ZNF385B: variants seen among roughly 807,000 people sequenced by gnomAD.
ZNF385B encodes the protein zinc finger protein 385B, also known as zinc finger protein 533.
Under a neutral mutation model 39.2 loss-of-function variants are expected in ZNF385B, and 23 were observed. The observed-to-expected ratio is 0.59, with a 90% CI of 0.42 to 0.83. The LOEUF is 0.83. ZNF385B is among the 40% of genes least tolerant of loss of function. The pLI is 0.00. For missense variants in ZNF385B, 552 were observed against 598.9 expected, an observed-to-expected ratio of 0.92 and a Z score of 0.82; for synonymous variants, 205 against 222.6, an observed-to-expected ratio of 0.92 and a Z score of 0.70.
chr2:179,491,087 G>T (rs2055175747), intron 5 of ZNF385B, among the ~76,000 whole-genome samples: 1 of 151,982 alleles, frequency 6.6e-6, no homozygotes, highest in Admixed American at 6.5e-5. Context: ...TTTTTAAAAA[G>T]ATTTTTCTCT....
chr2:179,537,321 T>TAA (rs1222990610), intron 4 of ZNF385B, among the ~76,000 whole-genome samples: 1 of 123,936 alleles, frequency 8.1e-6, no homozygotes, highest in African/African-American at 3.1e-5. Context: ...AAAAAATAAA[T>TAA]AAAAAAAAAA....
chr2:179,841,751 G>A (rs1001702419), intron 1 of ZNF385B, among the ~76,000 whole-genome samples: 1 of 152,168 alleles, frequency 6.6e-6, no homozygotes, highest in African/African-American at 2.4e-5. Context: ...TAAAATCCTA[G>A]AGAGAATTTC....
At chr2:179,589,086 C>A (rs973506775) in intron 3 of ZNF385B, among the ~76,000 whole-genome samples, 10 of 152,116 alleles carry the variant, frequency 6.6e-5, no homozygotes, top group Non-Finnish European at 1.5e-4. Flanking sequence ...TACCCCATAT[C>A]TTTTCAGTGA....
chr2:179,504,925 C>G (rs1412926281), intron 5 of ZNF385B, among the ~76,000 whole-genome samples: 1 of 152,098 alleles, frequency 6.6e-6, no homozygotes, highest in Non-Finnish European at 1.5e-5. Flanking sequence ...ATGCAATCAC[C>G]TCCTACCAGG....
intron 1 of ZNF385B, among the ~76,000 whole-genome samples, chr2:179,798,934 C>T (rs1018019937): frequency 1.4e-4 from 21 of 152,044 alleles, no homozygotes; most frequent in African/African-American, 4.3e-4. Context: ...GCTACTTGCC[C>T]TTTCTTTCCC....
At chr2:179,783,448 A>G (rs1704794095) in intron 1 of ZNF385B, among the ~76,000 whole-genome samples, 1 of 152,236 alleles carries the variant, frequency 6.6e-6, no homozygotes, top group South Asian at 2.1e-4. Flanking sequence ...AATGACATCA[A>G]AAGCAATCAC....
intron 3 of ZNF385B, among the ~76,000 whole-genome samples, chr2:179,635,163 A>G (rs967011313): frequency 2.0e-5 from 3 of 151,836 alleles, no homozygotes; most frequent in Non-Finnish European, 4.4e-5. Context: ...AAAGAAAGAA[A>G]GAAAATGTGA....
intron 3 of ZNF385B, among the ~76,000 whole-genome samples, chr2:179,705,986 A>G (rs1699565959): frequency 6.6e-6 from 1 of 151,996 alleles, no homozygotes; most frequent in Non-Finnish European, 1.5e-5. Context: ...TTTAGTCCCT[A>G]CCTCCAGCAT....
Position 179,667,417 on chromosome 2 carries a change from T to G in ZNF385B, c.298+102086A>C, listed in dbSNP as rs780338947. On this transcript the variant is annotated intron_variant, in intron 3 of 9. Coordinates refer to ENST00000410066, the MANE Select transcript of ZNF385B (RefSeq NM_152520.6). ...CTTAGTCTCCCTCCCCCCCACCATT[T>G]TGTAGTTAAGGCAGAATACAAGAAA... Among the ~76,000 whole-genome samples the G allele has an allele frequency of 2.6e-5, 4 of 152,180 alleles. No individual in the cohort carries two copies. The South Asian group carries it at 8.3e-4, about 32-fold the overall frequency.
intron 1 of ZNF385B, among the ~76,000 whole-genome samples, chr2:179,831,584 T>TA (rs1251562354): frequency 1.3e-5 from 2 of 152,088 alleles, no homozygotes; most frequent in African/African-American, 4.8e-5. Flanking sequence ...CACTTGGAAA[T>TA]ACGTGCATCA....
chr2:179,675,772 T>C (rs1212723612), intron 3 of ZNF385B, among the ~76,000 whole-genome samples: 4 of 143,904 alleles, frequency 2.8e-5, no homozygotes, highest in Non-Finnish European at 4.5e-5. Context: ...TACTAAGTCA[T>C]TGAAAAATAC....
chr2:179,814,613 G>A (rs1706946231), intron 1 of ZNF385B: 1 of 566,774 alleles, frequency 1.8e-6, no homozygotes, highest in Non-Finnish European at 3.2e-6. Flanking sequence ...TGGACTGTAG[G>A]GCCCTCAATG....
chr2:179,769,135 A>C (rs987584195), intron 3 of ZNF385B, among the ~76,000 whole-genome samples: 1 of 152,254 alleles, frequency 6.6e-6, no homozygotes, highest in African/African-American at 2.4e-5. Flanking sequence ...AATAGAAAGC[A>C]GATAAAGGAA....
chr2:179,548,798 A>G (rs2060389699), intron 3 of ZNF385B, among the ~76,000 whole-genome samples: 1 of 148,940 alleles, frequency 6.7e-6, no homozygotes, highest in Non-Finnish European at 1.5e-5. Context: ...TGATTCAATT[A>G]CCTCCCACCA....
intron 3 of ZNF385B, among the ~76,000 whole-genome samples, chr2:179,608,987 T>C (rs567831764): frequency 3.9e-4 from 59 of 152,148 alleles, no homozygotes; most frequent in South Asian, 1.0e-3. Context: ...ACATGAGATA[T>C]TTTGATATAG....
intron 1 of ZNF385B, among the ~76,000 whole-genome samples, chr2:179,772,290 C>T (rs1406024530): frequency 1.3e-5 from 2 of 152,156 alleles, no homozygotes; most frequent in East Asian, 3.8e-4. Context: ...TCCTCCATAA[C>T]TTTTCAACCC....
intron 3 of ZNF385B, among the ~76,000 whole-genome samples, chr2:179,749,866 A>G (rs959115407): frequency 1.3e-5 from 2 of 152,056 alleles, no homozygotes; most frequent in African/African-American, 2.4e-5. Flanking sequence ...ATATTAAGCA[A>G]CTCTTATCTT....
chr2:179,734,049 T>C (rs963939923), intron 3 of ZNF385B, among the ~76,000 whole-genome samples: 1 of 152,232 alleles, frequency 6.6e-6, no homozygotes, highest in Non-Finnish European at 1.5e-5. Context: ...ATTTTTCTTA[T>C]ATTTTGCACA....
intron 4 of ZNF385B, among the ~76,000 whole-genome samples, chr2:179,521,488 T>C (rs1037194176): frequency 4.0e-5 from 6 of 151,068 alleles, no homozygotes; most frequent in African/African-American, 1.5e-4. Context: ...GTGTGAGCCA[T>C]TGTGCCCGGC....
Sources: gnomAD v4.1 joint callset for allele counts (sites outside exome capture counted in the v4.1 genomes callset) on GRCh38, gnomAD v4.1.1 for gene constraint, MANE v1.5 for transcripts, NCBI Gene and HGNC (gene_info 2026-07-23, HGNC 2026-07-21) for gene names.